The following PCDHGA2 variants were observed in gnomAD, a reference collection of about 807,000 sequenced individuals.
The protein encoded by PCDHGA2 is protocadherin gamma subfamily A, 2, also known as protocadherin gamma-A2.
A neutral mutation model predicts 59.2 loss-of-function variants in PCDHGA2; 40 were observed. The ratio of observed to expected loss-of-function variants is 0.68; its 90% CI spans 0.52 to 0.88. The LOEUF (loss-of-function observed/expected upper bound fraction) is 0.88, where lower values mean the gene tolerates loss of function less well. Ranked by LOEUF, PCDHGA2 falls within the 40% of genes least tolerant of loss-of-function variation. The pLI is 0.00. For synonymous variants in PCDHGA2, 560 were observed against 526.0 expected (o/e 1.06, Z -0.89); for missense variants, 1,226 against 1,204.0 (o/e 1.02, Z -0.27).
chr5:141,422,987 A>AG, intron 1 of PCDHGA2: 1 of 1,614,168 alleles, frequency 6.2e-7, no homozygotes. Context: ...GAACCTGGCT[A>AG]CCTGGTGACC....
At chr5:141,386,407 G>T (rs2090565915) in intron 1 of PCDHGA2, among the ~76,000 whole-genome samples, 1 of 152,034 alleles carries the variant, frequency 6.6e-6, no homozygotes, top group Non-Finnish European at 1.5e-5. Flanking sequence ...GCCAGGTATG[G>T]TGTTGCAAGC....
In PCDHGA2 at chr5:141,477,294, C is replaced by T. The variant is rs753131175; in HGVS notation, c.2425-17513C>T. ...GGGCTGGTGACCTGCGAAGTTCCAC[C>T]GGGTCTCCCTTTCAGCCTTACTTCT... is the stretch of plus-strand genomic sequence containing the variant. On this transcript the variant is annotated intron_variant, in intron 1 of 3. Transcript: ENST00000394576. The surrounding 1 kb of genome is among the most constrained non-coding windows in gnomAD (Gnocchi z 4.9). 4.3e-6 allele frequency: 7 copies of T among 1,614,142 alleles called. No individual in the cohort carries two copies. Among genetic ancestry groups the T allele is most frequent in the East Asian group, 4.5e-5 (2 of 44,872 alleles).
intron 1 of PCDHGA2, among the ~76,000 whole-genome samples, chr5:141,465,592 A>G (rs1485357197): frequency 6.6e-6 from 1 of 152,046 alleles, no homozygotes; most frequent in Non-Finnish European, 1.5e-5. Flanking sequence ...TAATAATCAG[A>G]TCTTATCACT....
chr5:141,349,874 G>A (rs1758365070), intron 1 of PCDHGA2, among the ~76,000 whole-genome samples: 1 of 151,948 alleles, frequency 6.6e-6, no homozygotes, highest in South Asian at 2.1e-4. Flanking sequence ...AAATGATGAA[G>A]GCCCTTATCT....
intron 1 of PCDHGA2, chr5:141,419,360 C>T (rs763624320): frequency 6.2e-7 from 1 of 1,613,818 alleles, no homozygotes; most frequent in South Asian, 1.1e-5. Flanking sequence ...GTCACGAACG[C>T]TGTCGTCCTA....
intron 1 of PCDHGA2, chr5:141,374,477 C>T (rs376389009): frequency 7.4e-6 from 12 of 1,611,808 alleles, no homozygotes; most frequent in Non-Finnish European, 9.3e-6. Context: ...CAATACACCC[C>T]GATTCTTAAA....
chr5:141,489,893 G>A lies in PCDHGA2; in HGVS notation c.2425-4914G>A. ...CTGGTGCTTACTGCTGTGGATGGGG[G>A]GACCCCAGCCCGCTCAGGGACCACC... On this transcript the variant is annotated intron_variant, in intron 1 of 3. Transcript: ENST00000394576. This position sits in a 1 kb window ranked among gnomAD's most constrained non-coding sequence, Gnocchi z 4.5. 6.2e-7 allele frequency: 1 copy of A among 1,614,190 alleles called. No individual in the cohort carries two copies. Among genetic ancestry groups the A allele is most frequent in the South Asian group, 1.1e-5 (1 of 91,084 alleles).
rs537196945 is a variant in PCDHGA2 at position 141,470,749 on chromosome 5, G to A, written c.2425-24058G>A. 3.9e-5 allele frequency among the ~76,000 whole-genome samples: 6 copies of A among 152,260 alleles called. No individual in the cohort carries two copies. The East Asian group carries it at 7.7e-4, about 20-fold the overall frequency. On this transcript the variant is annotated intron_variant, in intron 1 of 3. Coordinates refer to ENST00000394576, the MANE Select transcript of PCDHGA2 (RefSeq NM_018915.4). ...GTCTTGCTCTGTCGCCCTGGCTGGAGTGCAGTGGACTCACTACAGTCTTGA... is the reference window on the plus strand; with the variant it reads ...GTCTTGCTCTGTCGCCCTGGCTGGAATGCAGTGGACTCACTACAGTCTTGA...
At chr5:141,365,336 A>C in intron 1 of PCDHGA2, 1 of 1,613,998 alleles carries the variant, frequency 6.2e-7, no homozygotes, top group South Asian at 1.1e-5. Flanking sequence ...GGTGGTGGTC[A>C]CAGTACAGGA....
chr5:141,490,257 T>C lies in PCDHGA2; in HGVS notation c.2425-4550T>C, dbSNP rs2099697852. On this transcript the variant is annotated intron_variant, in intron 1 of 3. Coordinates refer to ENST00000394576, the MANE Select transcript of PCDHGA2 (RefSeq NM_018915.4). The surrounding 1 kb of genome is among the most constrained non-coding windows in gnomAD (Gnocchi z 5.4). ...AGGGCCACTGTGTGATTCAAGTGGATGTGGGGGATGTCAATGACAATGCCC... is the reference window on the plus strand; with the variant it reads ...AGGGCCACTGTGTGATTCAAGTGGACGTGGGGGATGTCAATGACAATGCCC... The C allele has an allele frequency of 6.2e-7, 1 of 1,614,208 alleles. No individual in the cohort carries two copies. Among genetic ancestry groups the C allele is most frequent in the South Asian group, 1.1e-5 (1 of 91,078 alleles).
intron 1 of PCDHGA2, among the ~76,000 whole-genome samples, chr5:141,353,900 A>G (rs1026429677): frequency 6.6e-6 from 1 of 152,220 alleles, no homozygotes; most frequent in Non-Finnish European, 1.5e-5. Flanking sequence ...AATTCTGTAT[A>G]GCTAATGCCC....
intron 1 of PCDHGA2, among the ~76,000 whole-genome samples, chr5:141,464,444 T>C (rs2099084887): frequency 6.6e-6 from 1 of 151,634 alleles, no homozygotes; most frequent in East Asian, 1.9e-4. Context: ...TGTTTGTTGT[T>C]GTTGTTGTTA....
chr5:141,494,676 C>G, intron 1 of PCDHGA2, 131 bp from the exon 2 acceptor site: 1 of 1,550,918 alleles, frequency 6.4e-7, no homozygotes, highest in African/African-American at 1.4e-5. Context: ...GAGTCCACCC[C>G]TGCCCCCTCT....
intron 1 of PCDHGA2, chr5:141,355,325 G>C: frequency 6.2e-7 from 1 of 1,614,010 alleles, no homozygotes; most frequent in Admixed American, 1.7e-5. Context: ...CAGGAAGAAG[G>C]CTCAGTGGTG....
At chr5:141,371,673 A>G in intron 1 of PCDHGA2, 1 of 1,614,030 alleles carries the variant, frequency 6.2e-7, no homozygotes, top group Non-Finnish European at 8.5e-7. Flanking sequence ...AGCTACCGAC[A>G]AAGGCAATCC....
chr5:141,427,998 C>A, intron 1 of PCDHGA2: 1 of 1,600,956 alleles, frequency 6.2e-7, no homozygotes, highest in Non-Finnish European at 8.6e-7. Context: ...TGGCTCCGCA[C>A]TCTTCGATAT....
chr5:141,474,488 A>C (rs2099350464), intron 1 of PCDHGA2, among the ~76,000 whole-genome samples: 1 of 152,208 alleles, frequency 6.6e-6, no homozygotes. Flanking sequence ...AATGTATTCT[A>C]TCTTCTAATG....
intron 1 of PCDHGA2, among the ~76,000 whole-genome samples, chr5:141,458,695 G>A (rs551105765): frequency 2.0e-5 from 3 of 151,852 alleles, no homozygotes; most frequent in Non-Finnish European, 2.9e-5. Context: ...TCAGCCTCCC[G>A]AGTAGCTGGG....
intron 1 of PCDHGA2, among the ~76,000 whole-genome samples, chr5:141,368,980 A>G (rs907841049): frequency 4.6e-5 from 7 of 152,190 alleles, no homozygotes; most frequent in Non-Finnish European, 7.3e-5. Context: ...CTTTTCCACT[A>G]TAAGGTGAAT....
Sources: gnomAD v4.1 joint callset for allele counts (sites outside exome capture counted in the v4.1 genomes callset) on GRCh38, gnomAD v4.1.1 for gene constraint, Gnocchi (gnomAD v3.1) non-coding constraint, MANE v1.5 for transcripts, NCBI Gene and HGNC (gene_info 2026-07-23, HGNC 2026-07-21) for gene names.